TP73: variants seen among roughly 807,000 people sequenced by gnomAD.
TP73 encodes the protein tumor protein p73, also known as p53-like transcription factor.
A neutral mutation model predicts 62.5 loss-of-function variants in TP73; 25 were observed. The observed-to-expected ratio is 0.40, with a 90% CI of 0.29 to 0.56. The LOEUF (loss-of-function observed/expected upper bound fraction) is 0.56. Ranked by LOEUF, TP73 falls within the 20% of genes least tolerant of loss-of-function variation. The probability of loss-of-function intolerance (pLI) is 0.46; values close to 1 mark genes in which losing one functional copy is unlikely to be tolerated. For missense variants in TP73, 754 were observed against 913.3 expected, an observed-to-expected ratio of 0.83 and a Z score of 2.25; for synonymous variants, 423 against 377.5, an observed-to-expected ratio of 1.12 and a Z score of -1.40.
In TP73 at chr1:3,734,284, G is replaced by C. The variant is rs1030698375; in HGVS notation, c.*1205G>C. 2 of 152,268 alleles carry C rather than the reference G, an allele frequency of 1.3e-5. No homozygotes were observed. The highest frequency in any genetic ancestry group is 4.8e-5 in the African/African-American group (2 of 41,430). 9.4% of individuals were successfully genotyped at this position (152,268 alleles called of 1,614,324 possible). ...GGAGTTAGTAGGCCCCGGGGAGACA[G>C]AGTCTGCACAGGCCCTTTCTGGGGC... On this transcript the variant is annotated 3_prime_UTR_variant, in exon 14 of 14. Transcript: ENST00000378295. This position sits in a 1 kb window ranked among gnomAD's most constrained non-coding sequence, Gnocchi z 4.4.
intron 9 of TP73, 93 bp from the exon 10 acceptor site, chr1:3,729,234 C>T: frequency 1.3e-6 from 2 of 1,554,300 alleles, no homozygotes; most frequent in South Asian, 2.4e-5. Context: ...AGGACAGATG[C>T]TTTGCCAAGC....
intron 3 of TP73, among the ~76,000 whole-genome samples, chr1:3,687,446 G>A (rs1265337192): frequency 1.3e-5 from 2 of 152,210 alleles, no homozygotes; most frequent in Non-Finnish European, 2.9e-5. Context: ...GTGTGATGGT[G>A]GGGCGGGGGT....
chr1:3,685,821 G>A (rs1043276008), intron 3 of TP73, among the ~76,000 whole-genome samples: 5 of 152,334 alleles, frequency 3.3e-5, no homozygotes, highest in East Asian at 1.9e-4. Context: ...ACCTGGACCC[G>A]GTTCAGTGCG....
At chr1:3,661,018 C>T (rs1281279692) in intron 1 of TP73, among the ~76,000 whole-genome samples, 3 of 152,178 alleles carry the variant, frequency 2.0e-5, no homozygotes, top group Admixed American at 6.5e-5. Context: ...GCAAATATAA[C>T]TCACCCAGAG....
intron 3 of TP73, among the ~76,000 whole-genome samples, chr1:3,692,025 C>A (rs1645850574): frequency 6.6e-6 from 1 of 152,096 alleles, no homozygotes; most frequent in South Asian, 2.1e-4. Context: ...ATGCAATACG[C>A]AGGCGAGGAT....
At chr1:3,682,528 G>C in intron 2 of TP73, 98 bp downstream of exon 2, 1 of 1,227,334 alleles carries the variant, frequency 8.1e-7, no homozygotes, top group Non-Finnish European at 1.1e-6. Flanking sequence ...CAGAGCAGGA[G>C]GGGTGGCCCC....
At chr1:3,731,632 C>A in intron 13 of TP73, 76 bp downstream of exon 13, 1 of 1,325,778 alleles carries the variant, frequency 7.5e-7, no homozygotes, top group East Asian at 2.3e-5. Flanking sequence ...AGAGCCTTCT[C>A]TTCCTTGCTC....
chr1:3,669,749 C>T (rs1454780582), intron 1 of TP73, among the ~76,000 whole-genome samples: 1 of 152,248 alleles, frequency 6.6e-6, no homozygotes, highest in Non-Finnish European at 1.5e-5. Flanking sequence ...TGTCCTGTTC[C>T]TTCTGCCTGG....
intron 4 of TP73, among the ~76,000 whole-genome samples, chr1:3,721,302 C>T (rs1570600241): frequency 6.6e-6 from 1 of 152,236 alleles, no homozygotes; most frequent in African/African-American, 2.4e-5. Flanking sequence ...CAGCTCCAGA[C>T]AGACCTATTA....
rs1557581645 is a variant in TP73, at chr1:3,726,924, T to TGGAC, written c.733-188_733-187insCGGA. ...TTCGATGGATGGATGGATGGACGGA[T>TGGAC]GGATGGATGGATGGGGTGGGTTGGT... is the stretch of plus-strand genomic sequence containing the variant. On this transcript the variant is annotated intron_variant, in intron 6 of 13. Transcript: ENST00000378295. Among the ~76,000 whole-genome samples the TGGAC allele has an allele frequency of 1.5e-4, 23 of 151,480 alleles. 1 individual carries two copies. The highest frequency in any genetic ancestry group is 5.3e-4 in the African/African-American group (22 of 41,252).
Position 3,717,602 on chromosome 1 carries a change from C to T in TP73, c.430-4419C>T, listed in dbSNP as rs1208651727. On this transcript the variant is annotated intron_variant, in intron 4 of 13. Transcript: ENST00000378295. ...GTGACCTTTCCTATAGAATAGGCTCCACCGGAGTCCTCCTCCTCCTGCCCG... is the reference window on the plus strand; with the variant it reads ...GTGACCTTTCCTATAGAATAGGCTCTACCGGAGTCCTCCTCCTCCTGCCCG... 4.6e-5 allele frequency among the ~76,000 whole-genome samples: 7 copies of T among 152,306 alleles called. No individual in the cohort carries two copies. In the East Asian group the frequency reaches 1.4e-3, roughly 29 times the overall value.
intron 4 of TP73, among the ~76,000 whole-genome samples, chr1:3,719,703 A>G (rs1184457325): frequency 6.6e-6 from 1 of 152,120 alleles, no homozygotes; most frequent in Non-Finnish European, 1.5e-5. Flanking sequence ...CAAAGGGGGC[A>G]TTTGTAATGG....
intron 6 of TP73, 113 bp downstream of exon 6, chr1:3,723,582 T>A (rs1401491825): frequency 1.4e-6 from 1 of 696,798 alleles, no homozygotes; most frequent in Non-Finnish European, 2.5e-6. Flanking sequence ...TGCCTGCCTG[T>A]CCTGTCGGCA....
intron 3 of TP73, among the ~76,000 whole-genome samples, chr1:3,692,873 G>A (rs1486924060): frequency 1.3e-5 from 2 of 152,140 alleles, no homozygotes; most frequent in Non-Finnish European, 2.9e-5. Flanking sequence ...GCCCTGGCCT[G>A]CAGACCCTCA....
At chr1:3,720,587 A>G (rs1268804228) in intron 4 of TP73, among the ~76,000 whole-genome samples, 1 of 152,244 alleles carries the variant, frequency 6.6e-6, no homozygotes, top group Non-Finnish European at 1.5e-5. Context: ...GCACAGGAAC[A>G]AGGGCACTCA....
chr1:3,703,308 GA>G (rs1292381310), intron 3 of TP73, among the ~76,000 whole-genome samples: 1 of 152,180 alleles, frequency 6.6e-6, no homozygotes, highest in East Asian at 1.9e-4. Context: ...GGGGGCTTCA[GA>G]GGCCCCCACC....
intron 4 of TP73, among the ~76,000 whole-genome samples, chr1:3,717,443 G>A (rs1158411874): frequency 6.6e-6 from 1 of 152,278 alleles, no homozygotes; most frequent in East Asian, 1.9e-4. Context: ...GGGCAGGCAA[G>A]TCCAGGCGGC....
At chr1:3,690,814 G>A (rs879181256) in intron 3 of TP73, 18 of 1,535,216 alleles carry the variant, frequency 1.2e-5, no homozygotes, top group Admixed American at 7.9e-5. Context: ...GGGCGGCCAC[G>A]ACCGTGACCC....
In TP73 at chr1:3,735,421, G is replaced by T. The variant is rs1179461137; in HGVS notation, c.*2342G>T. 6.6e-6 allele frequency: 1 copy of T among 152,402 alleles called. No individual in the cohort carries two copies. Among genetic ancestry groups the T allele is most frequent in the African/African-American group, 2.4e-5 (1 of 41,426 alleles). The allele number at this position is 152,402 out of a possible 1,614,324, so 9.4% of individuals were successfully genotyped here. A position where few individuals can be genotyped will look rare whatever the true frequency, so the allele number is the denominator to read the frequency against. ...TGGGGGGGCTGGGAGAGGCCCAGGG[G>T]CAGCTGTCACTGGAACCCCAGCCAG... On this transcript the variant is annotated 3_prime_UTR_variant, in exon 14 of 14. Transcript: ENST00000378295.
Sources: gnomAD v4.1 joint callset for allele counts (sites outside exome capture counted in the v4.1 genomes callset) on GRCh38, gnomAD v4.1.1 for gene constraint, Gnocchi (gnomAD v3.1) non-coding constraint, MANE v1.5 for transcripts, NCBI Gene and HGNC (gene_info 2026-07-23, HGNC 2026-07-21) for gene names.